IDE: variants seen among roughly 807,000 people sequenced by gnomAD.
The protein encoded by IDE is insulin degrading enzyme, also known as insulin-degrading enzyme.
In IDE, 58 loss-of-function variants were observed where a neutral mutation model predicts 133.2. The ratio of observed to expected loss-of-function variants is 0.44; its 90% CI spans 0.35 to 0.54. IDE has a LOEUF of 0.54. Ranked by LOEUF, IDE falls within the 20% of genes least tolerant of loss-of-function variation. IDE has a pLI of 0.00. For synonymous variants in IDE, 396 were observed against 421.3 expected (o/e 0.94, Z 0.73); for missense variants, 981 against 1,234.0 (o/e 0.79, Z 3.07).
intron 24 of IDE, 44 bp from the exon 25 acceptor site, chr10:92,454,583 T>A: frequency 2.1e-6 from 3 of 1,403,114 alleles, no homozygotes; most frequent in Non-Finnish European, 3.0e-6. Flanking sequence ...AACCTAAACA[T>A]CAGAATAAGG....
In IDE at chr10:92,535,336, C is replaced by T. The variant is rs1452418982; in HGVS notation, c.284-551G>A. Among the ~76,000 whole-genome samples, 3 of 152,320 alleles carry T rather than the reference C, an allele frequency of 2.0e-5. No homozygotes were observed. The South Asian group carries it at 6.2e-4, about 32-fold the overall frequency. ...GCCAGGATGGTCTCGATCTCCTGAC[C>T]TCGTGATCCGCCAGCCTCGGCCTCC... On this transcript the variant is annotated intron_variant, in intron 2 of 24. Transcript: ENST00000265986.
rs1208439326 is a variant in IDE, at chr10:92,505,294, T to C, written c.1327-397A>G. Among the ~76,000 whole-genome samples, 3 of 152,350 alleles carry C rather than the reference T, an allele frequency of 2.0e-5. No individual in the cohort carries two copies. The East Asian group carries it at 5.8e-4, about 29-fold the overall frequency. On this transcript the variant is annotated intron_variant, in intron 10 of 24. Transcript: ENST00000265986. The stretch of plus-strand genomic sequence containing the variant: ...TACACACATTTTTATGAACAGAATT[T>C]CCTCCTAAATTTCTATGAAACAAAT...
intron 14 of IDE, among the ~76,000 whole-genome samples, chr10:92,482,779 T>C (rs1279143262): frequency 6.6e-6 from 1 of 151,834 alleles, no homozygotes; most frequent in African/African-American, 2.4e-5. Context: ...TTAAAATACC[T>C]CTTAACAGCA....
chr10:92,573,963 T>C lies in IDE; in HGVS notation c.57A>G (p.Ser19=). Reference sequence around the variant, plus strand: ...GAGGCGGCAGGCGGGCGCCGAGGACTGAGCGGAAGGTGCTGGGCAGTGCGG... The same window carrying C: ...GAGGCGGCAGGCGGGCGCCGAGGACCGAGCGGAAGGTGCTGGGCAGTGCGG... The part of the protein sequence containing the change: ...LHPALPSTFR[S]VLGARLPPPE... Residue 19 remains serine (S), a synonymous_variant, in exon 1 of 25, where the codon TCA becomes TCG. Transcript: ENST00000265986. The C allele has an allele frequency of 6.7e-7, 1 of 1,485,960 alleles. No homozygotes were observed. Among genetic ancestry groups the C allele is most frequent in the Non-Finnish European group, 8.9e-7 (1 of 1,122,708 alleles). 92.0% of individuals were successfully genotyped at this position (1,485,960 alleles called of 1,614,324 possible).
chr10:92,477,198 G>C (rs1846310848), intron 15 of IDE, among the ~76,000 whole-genome samples: 1 of 152,162 alleles, frequency 6.6e-6, no homozygotes, highest in South Asian at 2.1e-4. Context: ...TGCCACCCAG[G>C]CTGGAGTGCA....
Position 92,531,926 on chromosome 10 carries a change from A to G in IDE, c.492-9T>C, listed in dbSNP as rs760350959. 3 of 1,476,152 alleles carry G rather than the reference A, an allele frequency of 2.0e-6. No homozygotes were observed. Among genetic ancestry groups the G allele is most frequent in the South Asian group, 3.0e-5 (2 of 67,150 alleles). The allele number at this position is 1,476,152 out of a possible 1,614,324, so 91.4% of individuals were successfully genotyped here. A position where few individuals can be genotyped will look rare whatever the true frequency, so the allele number is the denominator to read the frequency against. On this transcript the variant is annotated splice_polypyrimidine_tract_variant and intron_variant, in intron 3 of 24. Transcript: ENST00000265986. ...GAAAAAACTGTGCAAACCTAAGGGT[A>G]CGAAACATAATTAAAACTTGAAAGA... is the stretch of plus-strand genomic sequence containing the variant.
chr10:92,520,049 A>G (rs1394399115), intron 4 of IDE, among the ~76,000 whole-genome samples: 1 of 152,090 alleles, frequency 6.6e-6, no homozygotes, highest in Non-Finnish European at 1.5e-5. Context: ...AGGTTGCAGT[A>G]AGCCGAAATC....
At chr10:92,548,289 G>A (rs1259287609) in intron 1 of IDE, among the ~76,000 whole-genome samples, 1 of 146,530 alleles carries the variant, frequency 6.8e-6, no homozygotes, top group Non-Finnish European at 1.5e-5. Context: ...AACCCAGGAG[G>A]CAGAGGTTGC....
At chr10:92,457,403 G>C (rs913465962) in intron 22 of IDE, among the ~76,000 whole-genome samples, 2 of 152,130 alleles carry the variant, frequency 1.3e-5, no homozygotes, top group Non-Finnish European at 2.9e-5. Flanking sequence ...CTAAGACACA[G>C]CAGCTTACAT....
chr10:92,468,181 A>G (rs1845788943), intron 19 of IDE, among the ~76,000 whole-genome samples: 1 of 152,194 alleles, frequency 6.6e-6, no homozygotes, highest in South Asian at 2.1e-4. Flanking sequence ...GGGGGAAAGG[A>G]GAACACCATT....
chr10:92,571,296 T>G (rs12415246), intron 1 of IDE, among the ~76,000 whole-genome samples: 1,892 of 152,316 alleles, frequency 0.012, 134 homozygotes, highest in Admixed American at 0.11. Context: ...ATTACAGGCA[T>G]GAGCCACCCC....
At chr10:92,510,237 G>A (rs868306054) in intron 5 of IDE, 75 bp from the exon 6 acceptor site, 3 of 738,170 alleles carry the variant, frequency 4.1e-6, no homozygotes, top group African/African-American at 1.8e-5. Flanking sequence ...AAAATCTTAG[G>A]ATCTCCTGAA....
intron 21 of IDE, among the ~76,000 whole-genome samples, chr10:92,462,898 T>C (rs891738720): frequency 2.3e-4 from 35 of 152,056 alleles, no homozygotes; most frequent in African/African-American, 8.2e-4. Context: ...ATCCAACTGC[T>C]AGATAAATTA....
At chr10:92,517,723 G>A (rs1412342114) in intron 4 of IDE, among the ~76,000 whole-genome samples, 1 of 152,094 alleles carries the variant, frequency 6.6e-6, no homozygotes, top group African/African-American at 2.4e-5. Flanking sequence ...AGCACTTTGG[G>A]AGGCCAAGGC....
At chr10:92,541,672 A>T (rs537018491) in intron 1 of IDE, among the ~76,000 whole-genome samples, 1 of 152,358 alleles carries the variant, frequency 6.6e-6, no homozygotes, top group East Asian at 1.9e-4. Flanking sequence ...GATATTTAGT[A>T]ATTACAACAT....
intron 4 of IDE, among the ~76,000 whole-genome samples, chr10:92,526,140 G>A (rs530675629): frequency 1.2e-4 from 18 of 150,296 alleles, no homozygotes; most frequent in Admixed American, 4.0e-4. Context: ...GAGAAAGAGC[G>A]GGACTCCGTC....
At chr10:92,502,049 A>T (rs11187032) in intron 11 of IDE, among the ~76,000 whole-genome samples, 32,922 of 151,918 alleles carry the variant, frequency 0.22, 3,893 homozygotes, top group Non-Finnish European at 0.26. Context: ...AAGCTGACGC[A>T]GGAGATCACT....
At chr10:92,562,905 C>T (rs1843344534) in intron 1 of IDE, among the ~76,000 whole-genome samples, 1 of 151,884 alleles carries the variant, frequency 6.6e-6, no homozygotes, top group Non-Finnish European at 1.5e-5. Context: ...TTTGGGAGGC[C>T]AAGGCGGGTG....
chr10:92,494,742 TG>T (rs769723118), intron 11 of IDE, among the ~76,000 whole-genome samples: 41 of 152,204 alleles, frequency 2.7e-4, no homozygotes, highest in Non-Finnish European at 5.3e-4. Context: ...CGAAGCTGGA[TG>T]GAACTCATCT....
Sources: allele counts gnomAD v4.1 joint callset (sites outside exome capture counted in the v4.1 genomes callset), GRCh38; gene constraint gnomAD v4.1.1; transcripts MANE v1.5; gene names NCBI Gene and HGNC (gene_info 2026-07-23, HGNC 2026-07-21).